ARMCX3: variants seen among roughly 807,000 people sequenced by gnomAD.
ARMCX3 encodes armadillo repeat containing X-linked 3, also known as armadillo repeat-containing X-linked protein 3.
A neutral mutation model predicts 12.6 loss-of-function variants in ARMCX3; 3 were observed. The observed-to-expected ratio is 0.24, with a 90% CI of 0.11 to 0.61. The LOEUF is 0.61. Ranked by LOEUF, ARMCX3 falls within the 20% of genes least tolerant of loss-of-function variation. The pLI is 0.88. For missense variants in ARMCX3, 204 were observed against 286.1 expected (o/e 0.71, Z 2.07); for synonymous variants, 102 against 103.1 (o/e 0.99, Z 0.06).
intron 4 of ARMCX3, 93 bp downstream of exon 4, chrX:101,624,643 C>A (rs1419959263): frequency 5.2e-6 from 1 of 192,324 alleles, no homozygotes; most frequent in African/African-American, 2.9e-5. Flanking sequence ...TTGACATTAT[C>A]TAGGCTTTGG....
At position 101,623,178 on chromosome X, in the gene ARMCX3, T is replaced by A; in HGVS notation, c.-457T>A. 8.9e-6 allele frequency: 1 copy of A among 112,339 alleles called. No individual in the cohort carries two copies. The highest frequency in any genetic ancestry group is 1.9e-5 in the Non-Finnish European group (1 of 53,158). The allele number at this position is 112,339 out of a possible 1,213,427, so 9.3% of individuals were successfully genotyped here. A position where few individuals can be genotyped will look rare whatever the true frequency, so the allele number is the denominator to read the frequency against. On this transcript the variant is annotated 5_prime_UTR_variant, in exon 1 of 5. Coordinates refer to ENST00000471229, the MANE Select transcript of ARMCX3 (RefSeq NM_177947.3). ...AAGTCCTTCTTGTCCTGGTCGTTGT[T>A]CCCGTCTGAGTACCAGCTCCCCACT...
At position 101,624,187 on chromosome X, in the gene ARMCX3, G is replaced by T. The variant is rs1315357513; in HGVS notation, c.-249G>T. 9.1e-6 allele frequency: 1 copy of T among 110,224 alleles called. No individual in the cohort carries two copies. The highest frequency in any genetic ancestry group is 2.9e-4 in the East Asian group (1 of 3,468). 9.1% of individuals were successfully genotyped at this position (110,224 alleles called of 1,213,427 possible). ...GCTGTAGCAGGTGGCTCCGCTTGAAGCGAGGGAGGAAGTTTCCTCCGATCA... is the reference window on the plus strand; with the variant it reads ...GCTGTAGCAGGTGGCTCCGCTTGAATCGAGGGAGGAAGTTTCCTCCGATCA... On this transcript the variant is annotated 5_prime_UTR_variant, in exon 3 of 5. Transcript: ENST00000471229.
rs1416582945 is a variant in ARMCX3, at chrX:101,625,086, A to C, written c.107A>C (p.Glu36Ala). 3.2e-5 allele frequency: 38 copies of C among 1,190,460 alleles called. No individual in the cohort carries two copies. The highest frequency in any genetic ancestry group is 3.7e-5 in the Non-Finnish European group (33 of 886,240). Residue 36 changes from glutamate (E) to alanine (A), a missense_variant, in exon 5 of 5, where the codon GAA becomes GCA. Coordinates refer to ENST00000471229, the MANE Select transcript of ARMCX3 (RefSeq NM_177947.3). ...ACTAGGGGAAGAAAACAGAACAAGGAAAAAATGGCTGAGGGTGGATCTGGG... is the reference window on the plus strand; with the variant it reads ...ACTAGGGGAAGAAAACAGAACAAGGCAAAAATGGCTGAGGGTGGATCTGGG... ...RLTRGRKQNK[E>A]KMAEGGSGDV...
At position 101,625,057 on chromosome X, in the gene ARMCX3, A is replaced by C; in HGVS notation, c.78A>C (p.Arg26Ser). 9 of 1,175,486 alleles carry C rather than the reference A, an allele frequency of 7.7e-6. No individual in the cohort carries two copies. Among genetic ancestry groups the C allele is most frequent in the Non-Finnish European group, 1.0e-5 (9 of 878,306 alleles). ...IGAGACYCIYRLTRGRKQNKE... is the reference protein window; with the variant it reads ...IGAGACYCIYSLTRGRKQNKE... ...CTGGCGCCTGCTATTGCATTTATAGACTGACTAGGGGAAGAAAACAGAACA... is the reference window on the plus strand; with the variant it reads ...CTGGCGCCTGCTATTGCATTTATAGCCTGACTAGGGGAAGAAAACAGAACA... The change falls in exon 5 of 5, where the codon AGA (arginine) becomes AGC (serine). Residue 26 changes from arginine (R) to serine (S), a missense_variant. Transcript: ENST00000471229.
At position 101,625,559 on chromosome X, in the gene ARMCX3, G is replaced by A; in HGVS notation, c.580G>A (p.Ala194Thr). ...LIVLNNLSVN[A>T]ENQRRLKVYM... ...TGTCCTGAATAACTTGAGTGTGAAT[G>A]CTGAAAATCAGCGCAGGCTTAAAGT... Residue 194 changes from alanine (A) to threonine (T), a missense_variant, in exon 5 of 5, where the codon GCT becomes ACT. Coordinates refer to ENST00000471229, the MANE Select transcript of ARMCX3 (RefSeq NM_177947.3). The A allele has an allele frequency of 8.3e-7, 1 of 1,207,423 alleles. No individual in the cohort carries two copies. The highest frequency in any genetic ancestry group is 1.8e-5 in the South Asian group (1 of 55,812).
rs782403904 is a variant in ARMCX3 at position 101,627,750 on chromosome X, T to C, written c.*1631T>C. 4 of 124,429 alleles carry C rather than the reference T, an allele frequency of 3.2e-5. No individual in the cohort carries two copies. The highest frequency in any genetic ancestry group is 7.5e-5 in the Non-Finnish European group (4 of 53,457). 10.3% of individuals were successfully genotyped at this position (124,429 alleles called of 1,213,427 possible). A position where few individuals can be genotyped will look rare whatever the true frequency, so the allele number is the denominator to read the frequency against. Reference sequence around the variant, plus strand: ...ACCTAGAATGCAGGGTTGTTAGTTTTTTGGTTGACTTTTGTTTTGCTGGGG... The same window carrying C: ...ACCTAGAATGCAGGGTTGTTAGTTTCTTGGTTGACTTTTGTTTTGCTGGGG... On this transcript the variant is annotated 3_prime_UTR_variant, in exon 5 of 5. Coordinates refer to ENST00000471229, the MANE Select transcript of ARMCX3 (RefSeq NM_177947.3).
Position 101,626,648 on chromosome X carries a change from C to A in ARMCX3, c.*529C>A. 8.1e-6 allele frequency: 1 copy of A among 123,096 alleles called. No individual in the cohort carries two copies. Among genetic ancestry groups the A allele is most frequent in the Non-Finnish European group, 1.9e-5 (1 of 53,301 alleles). The allele number at this position is 123,096 out of a possible 1,213,427, so 10.1% of individuals were successfully genotyped here. A position where few individuals can be genotyped will look rare whatever the true frequency, so the allele number is the denominator to read the frequency against. On this transcript the variant is annotated 3_prime_UTR_variant, in exon 5 of 5. Coordinates refer to ENST00000471229, the MANE Select transcript of ARMCX3 (RefSeq NM_177947.3). Reference sequence around the variant, plus strand: ...AAAAGCTTCTGTGGGATGTGCTAGTCGGCTAAAGCTTCACAGAGGAGGTGG... The same window carrying A: ...AAAAGCTTCTGTGGGATGTGCTAGTAGGCTAAAGCTTCACAGAGGAGGTGG...
At position 101,627,493 on chromosome X, in the gene ARMCX3, C is replaced by T. The variant is rs912670826; in HGVS notation, c.*1374C>T. ...CTAAAATGGGTATTGATTTTTAGGA[C>T]GGTTTTGAAAAAGAAAAGTGTTGGG... is the stretch of plus-strand genomic sequence containing the variant. On this transcript the variant is annotated 3_prime_UTR_variant, in exon 5 of 5. Transcript: ENST00000471229. The T allele has an allele frequency of 1.6e-5, 2 of 122,125 alleles. No homozygotes were observed. Among genetic ancestry groups the T allele is most frequent in the Admixed American group, 9.6e-5 (1 of 10,462 alleles). 10.1% of individuals were successfully genotyped at this position (122,125 alleles called of 1,213,427 possible).
chrX:101,627,317 AT>A lies in ARMCX3; in HGVS notation c.*1204del, dbSNP rs1426032203. On this transcript the variant is annotated 3_prime_UTR_variant, in exon 5 of 5. Transcript: ENST00000471229. ...ATAGAAGTATTCGAAGTATAGTTCCATTTTTTGAGACTAATAAAACATATGT... is the reference window on the plus strand; with the variant it reads ...ATAGAAGTATTCGAAGTATAGTTCCATTTTTGAGACTAATAAAACATATGT... 1 of 123,683 alleles carries A rather than the reference AT, an allele frequency of 8.1e-6. No homozygotes were observed. The allele number at this position is 123,683 out of a possible 1,213,427, so 10.2% of individuals were successfully genotyped here.
At position 101,626,948 on chromosome X, in the gene ARMCX3, GTCTC is replaced by G. The variant is rs1556039022; in HGVS notation, c.*831_*834del. On this transcript the variant is annotated 3_prime_UTR_variant, in exon 5 of 5. Transcript: ENST00000471229. ...GAAAATAATTGGGGTCCATATGAAAGTCTCTATTACTGAGTAGTGTCAATGAGGG... is the reference window on the plus strand; with the variant it reads ...GAAAATAATTGGGGTCCATATGAAAGTATTACTGAGTAGTGTCAATGAGGG... The G allele has an allele frequency of 1.6e-5, 2 of 123,366 alleles. No individual in the cohort carries two copies. Among genetic ancestry groups the G allele is most frequent in the Non-Finnish European group, 3.8e-5 (2 of 53,239 alleles). The allele number at this position is 123,366 out of a possible 1,213,427, so 10.2% of individuals were successfully genotyped here.
At position 101,623,574 on chromosome X, in the gene ARMCX3, G is replaced by A. The variant is rs1216541462; in HGVS notation, c.-358-240G>A. On this transcript the variant is annotated intron_variant, in intron 1 of 4. Coordinates refer to ENST00000471229, the MANE Select transcript of ARMCX3 (RefSeq NM_177947.3). ...GGACAGTGCCGGAGGGGAATGGCTG[G>A]ATATGGGGGCGGGGGTGGTGAGATG... The A allele has an allele frequency of 5.3e-5, 6 of 112,500 alleles. No individual in the cohort carries two copies. The Admixed American group carries it at 5.6e-4, about 10-fold the overall frequency. 9.3% of individuals were successfully genotyped at this position (112,500 alleles called of 1,213,427 possible).
In ARMCX3 at chrX:101,626,689, C is replaced by T. The variant is rs1393284598; in HGVS notation, c.*570C>T. ...GAGGAGGTGGCAATTGAAAATGAGTCCTGAATGGGGTAGGGTGGTTAGGGA... is the reference window on the plus strand; with the variant it reads ...GAGGAGGTGGCAATTGAAAATGAGTTCTGAATGGGGTAGGGTGGTTAGGGA... On this transcript the variant is annotated 3_prime_UTR_variant, in exon 5 of 5. Coordinates refer to ENST00000471229, the MANE Select transcript of ARMCX3 (RefSeq NM_177947.3). The T allele has an allele frequency of 8.2e-6, 1 of 122,514 alleles. No individual in the cohort carries two copies. The highest frequency in any genetic ancestry group is 3.3e-5 in the African/African-American group (1 of 30,479). The allele number at this position is 122,514 out of a possible 1,213,427, so 10.1% of individuals were successfully genotyped here. A position where few individuals can be genotyped will look rare whatever the true frequency, so the allele number is the denominator to read the frequency against.
At chrX:101,623,348 G>A (rs946256939) in intron 1 of ARMCX3, 72 bp downstream of exon 1, 2 of 113,254 alleles carry the variant, frequency 1.8e-5, no homozygotes, top group Admixed American at 9.2e-5. Flanking sequence ...CGGGTACTGA[G>A]GCGCCTCCGT....
In ARMCX3 at chrX:101,626,430, GATTTA is replaced by G. The variant is rs1318357083; in HGVS notation, c.*316_*320del. The G allele has an allele frequency of 1.5e-5, 3 of 203,750 alleles. No individual in the cohort carries two copies. The highest frequency in any genetic ancestry group is 8.9e-5 in the African/African-American group (3 of 33,841). 16.8% of individuals were successfully genotyped at this position (203,750 alleles called of 1,213,427 possible). ...TAAGCTCCCTTCTGTCATTTTCATT[GATTTA>G]ATTTGTGTATCATCAATAAAATTGT... On this transcript the variant is annotated 3_prime_UTR_variant, in exon 5 of 5. Transcript: ENST00000471229.
rs1556038494 is a variant in ARMCX3 at position 101,625,580 on chromosome X, A to G, written c.601A>G (p.Lys201Glu). The G allele has an allele frequency of 2.5e-5, 30 of 1,201,806 alleles. No individual in the cohort carries two copies. Among genetic ancestry groups the G allele is most frequent in the Non-Finnish European group, 3.1e-5 (28 of 891,848 alleles). ...SVNAENQRRL[K>E]VYMNQVCDDT... is the part of the protein sequence containing the mutation. ...GAATGCTGAAAATCAGCGCAGGCTTAAAGTATACATGAATCAAGTGTGTGA... is the reference window on the plus strand; with the variant it reads ...GAATGCTGAAAATCAGCGCAGGCTTGAAGTATACATGAATCAAGTGTGTGA... The change falls in exon 5 of 5, where the codon AAA becomes GAA. Residue 201 changes from lysine (K) to glutamate (E), a missense_variant. Physicochemically the swap from Lys to Glu is moderately conservative, Grantham distance 56 (BLOSUM62 1). Coordinates refer to ENST00000471229, the MANE Select transcript of ARMCX3 (RefSeq NM_177947.3).
Position 101,625,932 on chromosome X carries a change from G to T in ARMCX3, c.953G>T (p.Trp318Leu). 1 of 1,200,294 alleles carries T rather than the reference G, an allele frequency of 8.3e-7. No individual in the cohort carries two copies. The highest frequency in any genetic ancestry group is 1.1e-6 in the Non-Finnish European group (1 of 891,268). Residue 318 changes from tryptophan (W) to leucine (L), a missense_variant, in exon 5 of 5, where the codon TGG becomes TTG. Coordinates refer to ENST00000471229, the MANE Select transcript of ARMCX3 (RefSeq NM_177947.3). ...IFENINDNFK[W>L]EENEPTQNQF... Reference sequence around the variant, plus strand: ...GAGAACATAAATGATAATTTCAAATGGGAAGAAAATGAACCTACTCAGAAT... The same window carrying T: ...GAGAACATAAATGATAATTTCAAATTGGAAGAAAATGAACCTACTCAGAAT...
rs1569370649 is a variant in ARMCX3, at chrX:101,625,905, TTGAGAACATAAA to T, written c.930_941del (p.Glu310_Asn313del). The T allele has an allele frequency of 8.3e-7, 1 of 1,200,657 alleles. No individual in the cohort carries two copies. On this transcript the variant is annotated inframe_deletion, in exon 5 of 5. Coordinates refer to ENST00000471229, the MANE Select transcript of ARMCX3 (RefSeq NM_177947.3). ...GTTATTCTTAAACTTCTGGTCATAT[TTGAGAACATAAA>T]TGATAATTTCAAATGGGAAGAAAAT... is the stretch of plus-strand genomic sequence containing the variant.
rs1267575137 is a variant in ARMCX3 at position 101,627,631 on chromosome X, G to T, written c.*1512G>T. 2.4e-5 allele frequency: 3 copies of T among 123,635 alleles called. No individual in the cohort carries two copies. Among genetic ancestry groups the T allele is most frequent in the Non-Finnish European group, 5.6e-5 (3 of 53,294 alleles). The allele number at this position is 123,635 out of a possible 1,213,427, so 10.2% of individuals were successfully genotyped here. ...ATGATAGATAAATGGTGAAGATAAG[G>T]CTTATTGTGAGGATTCAGTGAGGTA... On this transcript the variant is annotated 3_prime_UTR_variant, in exon 5 of 5. Coordinates refer to ENST00000471229, the MANE Select transcript of ARMCX3 (RefSeq NM_177947.3).
At position 101,625,579 on chromosome X, in the gene ARMCX3, T is replaced by C; in HGVS notation, c.600T>C (p.Leu200=). The change falls in exon 5 of 5, where the codon CTT becomes CTC. Residue 200 remains leucine, a synonymous_variant. Transcript: ENST00000471229. ...TGAATGCTGAAAATCAGCGCAGGCTTAAAGTATACATGAATCAAGTGTGTG... is the reference window on the plus strand; with the variant it reads ...TGAATGCTGAAAATCAGCGCAGGCTCAAAGTATACATGAATCAAGTGTGTG... The part of the protein sequence containing the change: ...LSVNAENQRR[L]KVYMNQVCDD... 8.3e-7 allele frequency: 1 copy of C among 1,203,377 alleles called. No homozygotes were observed. The highest frequency in any genetic ancestry group is 1.1e-6 in the Non-Finnish European group (1 of 892,034).
Sources: allele counts gnomAD v4.1 joint callset, GRCh38; gene constraint gnomAD v4.1.1; transcripts MANE v1.5; gene names NCBI Gene and HGNC (gene_info 2026-07-23, HGNC 2026-07-21).